The following SERPINB8 variants were observed in gnomAD, a reference collection of about 807,000 sequenced individuals.
The protein encoded by SERPINB8 is serpin B8.
In SERPINB8, 25 loss-of-function variants were observed where a neutral mutation model predicts 35.3. That is an observed-to-expected ratio of 0.71 (90% CI 0.52 to 0.99). The LOEUF is 0.99. SERPINB8 is among the 50% of genes least tolerant of loss of function. The probability of loss-of-function intolerance (pLI) is 0.00; values close to 1 mark genes in which losing one functional copy is unlikely to be tolerated. For synonymous variants in SERPINB8, 186 were observed against 160.8 expected (o/e 1.16, Z -1.19); for missense variants, 484 against 446.5 (o/e 1.08, Z -0.76).
chr18:63,972,944 T>C (rs2050514766), intron 1 of SERPINB8, among the ~76,000 whole-genome samples: 1 of 152,256 alleles, frequency 6.6e-6, no homozygotes, highest in South Asian at 2.1e-4. Context: ...AGTGCCGCAA[T>C]AAACATACAT....
In SERPINB8 at chr18:63,986,965, T is replaced by G; in HGVS notation, c.812T>G (p.Leu271Ter). 1 of 1,614,224 alleles carries G rather than the reference T, an allele frequency of 6.2e-7. No homozygotes were observed. The highest frequency in any genetic ancestry group is 8.5e-7 in the Non-Finnish European group (1 of 1,180,042). Residue 271 changes from leucine to a stop codon, truncating the protein, a stop_gained, in exon 7 of 7, where the codon TTA (leucine) becomes TGA (stop). Transcript: ENST00000397985. LOFTEE classifies it high-confidence loss of function. ...AAGGTTCAAGTTTTCCTTCCCAGAT[T>G]AAAGCTGGAGGAGAGTTATGACTTG... ...KSKVQVFLPR[L>*]KLEESYDLEP... is the part of the protein sequence containing the mutation.
chr18:64,014,091 T>C (rs527604121), intron 7 of SERPINB8, among the ~76,000 whole-genome samples: 101 of 152,204 alleles, frequency 6.6e-4, no homozygotes, highest in Non-Finnish European at 1.1e-3. Context: ...GAGGCAAAAA[T>C]AGAAACAAGA....
intron 7 of SERPINB8, among the ~76,000 whole-genome samples, chr18:64,012,227 T>A (rs545178360): frequency 1.4e-4 from 21 of 152,270 alleles, no homozygotes; most frequent in African/African-American, 5.1e-4. Context: ...TGGATGAAAA[T>A]GTGGCATCAT....
At chr18:64,006,929 G>A (rs1410861623), downstream of SERPINB8, among the ~76,000 whole-genome samples, 1 of 151,924 alleles carries the variant, frequency 6.6e-6, no homozygotes, top group Non-Finnish European at 1.5e-5. Context: ...TTAGAAATGT[G>A]TAAGTAGAAT....
intron 5 of SERPINB8, among the ~76,000 whole-genome samples, chr18:63,984,498 G>A (rs8089398): frequency 0.083 from 12,700 of 152,204 alleles, 587 homozygotes; most frequent in African/African-American, 0.1. Context: ...AAAATGGCTG[G>A]TATCAATAGT....
downstream of SERPINB8, among the ~76,000 whole-genome samples, chr18:64,009,487 GACAA>G (rs1186690915): frequency 6.6e-6 from 1 of 152,194 alleles, no homozygotes; most frequent in African/African-American, 2.4e-5. Flanking sequence ...CACAGGGATA[GACAA>G]ACAGATCAAT....
At chr18:63,991,253 G>A (rs1025646504), downstream of SERPINB8, among the ~76,000 whole-genome samples, 3 of 152,162 alleles carry the variant, frequency 2.0e-5, no homozygotes, top group Non-Finnish European at 2.9e-5. Context: ...CTTGTACAAA[G>A]CCTGCTGCAA....
intron 6 of SERPINB8, chr18:63,986,267 T>C (rs1211665087): frequency 3.7e-6 from 6 of 1,610,174 alleles, no homozygotes; most frequent in Non-Finnish European, 5.1e-6. Context: ...GAAAGAGTGA[T>C]GGATCTTGAA....
At chr18:63,983,483 C>G in intron 4 of SERPINB8, 96 bp from the exon 5 acceptor site, 1 of 1,194,474 alleles carries the variant, frequency 8.4e-7, no homozygotes, top group Admixed American at 1.8e-5. Context: ...TCCAGCCTGT[C>G]TCTCAACCAA....
rs964480052 is a variant in SERPINB8, at chr18:64,002,178, A to C, written c.71-2641A>C. On this transcript the variant is annotated intron_variant, in intron 1 of 1. Coordinates refer to the SERPINB8 transcript ENST00000493661. ...CACGCAGTCTGCACGTGTTTCTGTCATGTGCAGCCCAGGGACAGAACCACT... is the reference window on the plus strand; with the variant it reads ...CACGCAGTCTGCACGTGTTTCTGTCCTGTGCAGCCCAGGGACAGAACCACT... Among the ~76,000 whole-genome samples the C allele has an allele frequency of 2.6e-5, 4 of 152,126 alleles. No individual in the cohort carries two copies. The South Asian group carries it at 8.3e-4, about 31-fold the overall frequency.
intron 6 of SERPINB8, 77 bp from the exon 7 acceptor site, chr18:63,986,797 G>A: frequency 7.0e-7 from 1 of 1,419,928 alleles, no homozygotes; most frequent in Non-Finnish European, 9.5e-7. Context: ...TGTCATTGGG[G>A]GAGGGGTAAT....
Position 64,018,641 on chromosome 18 carries a change from A to T in SERPINB8, c.*3-269A>T, listed in dbSNP as rs1172789292. Among the ~76,000 whole-genome samples the T allele has an allele frequency of 2.0e-5, 3 of 151,972 alleles. No homozygotes were observed. The East Asian group carries it at 5.8e-4, about 29-fold the overall frequency. Reference sequence around the variant, plus strand: ...GTTTACTGTTTTGCAGATAAATTTTAACGACTCTTATGAGGCAGAGGGCAA... The same window carrying T: ...GTTTACTGTTTTGCAGATAAATTTTTACGACTCTTATGAGGCAGAGGGCAA... On this transcript the variant is annotated intron_variant, in intron 7 of 7. Transcript: ENST00000636430.
intron 4 of SERPINB8, among the ~76,000 whole-genome samples, 190 bp from the exon 5 acceptor site, chr18:63,983,389 T>G (rs1221886505): frequency 6.6e-6 from 1 of 152,202 alleles, no homozygotes; most frequent in African/African-American, 2.4e-5. Flanking sequence ...TCAAGATTTT[T>G]TTCTTAAGCA....
At chr18:64,018,770 G>A (rs762192193) in intron 7 of SERPINB8, 1 of 152,134 alleles carries the variant, frequency 6.6e-6, no homozygotes, top group Non-Finnish European at 1.5e-5. Context: ...GCGTTCCAAC[G>A]TTTATTAGAC....
chr18:63,989,686 G>C (rs965560690), downstream of SERPINB8, among the ~76,000 whole-genome samples: 8 of 152,092 alleles, frequency 5.3e-5, no homozygotes, highest in Non-Finnish European at 1.2e-4. Flanking sequence ...GCTCACGCCT[G>C]TAATCCCAGC....
chr18:64,000,343 G>A (rs1260170687), intron 1 of SERPINB8, among the ~76,000 whole-genome samples: 2 of 152,104 alleles, frequency 1.3e-5, no homozygotes, highest in Non-Finnish European at 2.9e-5. Flanking sequence ...CATTTATTTA[G>A]GACCATGATA....
At chr18:64,003,519 A>ATGTGTGTGTGTG (rs61161137) in intron 1 of SERPINB8, among the ~76,000 whole-genome samples, 49 of 148,166 alleles carry the variant, frequency 3.3e-4, no homozygotes, top group African/African-American at 1.2e-3. Flanking sequence ...TGAGGGACAA[A>ATGTGTGTGTGTG]TGTGTGTGTG....
At chr18:64,013,578 G>T (rs2050935821) in intron 7 of SERPINB8, among the ~76,000 whole-genome samples, 1 of 152,106 alleles carries the variant, frequency 6.6e-6, no homozygotes, top group South Asian at 2.1e-4. Context: ...GGTAGTGTAG[G>T]TTATAATAAT....
chr18:64,001,522 C>T (rs1408341323), intron 1 of SERPINB8, among the ~76,000 whole-genome samples: 1 of 144,152 alleles, frequency 6.9e-6, no homozygotes, highest in Non-Finnish European at 1.5e-5. Context: ...CAGAGTTCTG[C>T]TCTTGTTGCC....
Sources: allele counts gnomAD v4.1 joint callset (sites outside exome capture counted in the v4.1 genomes callset), GRCh38; gene constraint gnomAD v4.1.1; transcripts MANE v1.5; gene names NCBI Gene and HGNC (gene_info 2026-07-23, HGNC 2026-07-21).